The following TIAM1 variants were observed in gnomAD, a reference collection of about 807,000 sequenced individuals.
The protein encoded by TIAM1 is rho guanine nucleotide exchange factor TIAM1.
TIAM1 carries 65 observed loss-of-function variants against 163.5 expected under a neutral mutation model. The observed-to-expected ratio is 0.40, with a 90% CI of 0.33 to 0.49. TIAM1 has a LOEUF of 0.49. TIAM1 is among the 20% of genes least tolerant of loss of function. The pLI, the probability that TIAM1 is intolerant of heterozygous loss-of-function variation, is 0.77. For synonymous variants in TIAM1, 833 were observed against 810.1 expected, an observed-to-expected ratio of 1.03 and a Z score of -0.48; for missense variants, 1,789 against 2,044.7, an observed-to-expected ratio of 0.87 and a Z score of 2.41.
At chr21:31,185,468 T>C (rs2085248255) in intron 14 of TIAM1, among the ~76,000 whole-genome samples, 1 of 144,076 alleles carries the variant, frequency 6.9e-6, no homozygotes. Context: ...ATATAATGTA[T>C]TAATATATTC....
chr21:31,176,000 C>G (rs966891823), intron 15 of TIAM1, among the ~76,000 whole-genome samples: 5 of 152,260 alleles, frequency 3.3e-5, no homozygotes, highest in African/African-American at 1.2e-4. Flanking sequence ...TAGAGCTATA[C>G]CTTTTAATAA....
intron 14 of TIAM1, among the ~76,000 whole-genome samples, chr21:31,184,859 CTT>C (rs1340050969): frequency 6.6e-5 from 10 of 152,194 alleles, no homozygotes; most frequent in Non-Finnish European, 1.5e-4. Context: ...ATTATCCTGA[CTT>C]TATTTCTCAC....
chr21:31,438,461 G>A (rs1025947193), intron 2 of TIAM1, among the ~76,000 whole-genome samples: 8 of 151,896 alleles, frequency 5.3e-5, no homozygotes, highest in Non-Finnish European at 1.0e-4. Flanking sequence ...CAAAGTGATG[G>A]GATTACAAGT....
intron 6 of TIAM1, among the ~76,000 whole-genome samples, chr21:31,235,134 G>A (rs1348257564): frequency 1.3e-5 from 2 of 152,138 alleles, no homozygotes; most frequent in African/African-American, 4.8e-5. Context: ...TATGGGAGCA[G>A]GACAATGTGC....
chr21:31,546,534 A>G (rs1335484928), intron 1 of TIAM1, among the ~76,000 whole-genome samples: 11 of 150,222 alleles, frequency 7.3e-5, no homozygotes, highest in Non-Finnish European at 1.6e-4. Flanking sequence ...TGGGTGACAG[A>G]GCAAGACTCC....
chr21:31,498,244 C>T (rs903233967), intron 1 of TIAM1, among the ~76,000 whole-genome samples: 1 of 152,206 alleles, frequency 6.6e-6, no homozygotes, highest in Admixed American at 6.5e-5. Context: ...CAGATTATTC[C>T]AGCAGCAAGC....
At chr21:31,182,320 A>C in intron 15 of TIAM1, 101 bp downstream of exon 15, 1 of 1,000,880 alleles carries the variant, frequency 1.0e-6, no homozygotes, top group Non-Finnish European at 1.4e-6. Flanking sequence ...ACCACCTGCC[A>C]GACAGAGGCA....
chr21:31,325,333 A>T (rs1337546692), intron 2 of TIAM1, among the ~76,000 whole-genome samples: 1 of 151,602 alleles, frequency 6.6e-6, no homozygotes, highest in East Asian at 1.9e-4. Context: ...CTAGAGAAGA[A>T]TCATGGAAAG....
chr21:31,507,630 T>C (rs1026511132), intron 1 of TIAM1, among the ~76,000 whole-genome samples: 4 of 152,218 alleles, frequency 2.6e-5, no homozygotes, highest in African/African-American at 7.2e-5. Context: ...CCTTGGGCTA[T>C]GTACCTGGGA....
At chr21:31,127,463 G>C (rs112792669) in intron 25 of TIAM1, among the ~76,000 whole-genome samples, 1,884 of 150,496 alleles carry the variant, frequency 0.013, 40 homozygotes, top group African/African-American at 0.044. Flanking sequence ...CTGTCATCCA[G>C]GCCGGAGTGC....
chr21:31,399,561 T>C (rs2077129756), intron 2 of TIAM1, among the ~76,000 whole-genome samples: 1 of 152,200 alleles, frequency 6.6e-6, no homozygotes, highest in South Asian at 2.1e-4. Context: ...TTTCTATTGC[T>C]CACAGCAAAG....
At chr21:31,195,356 TA>T in intron 12 of TIAM1, 51 bp from the exon 13 acceptor site, 1 of 1,296,004 alleles carries the variant, frequency 7.7e-7, no homozygotes, top group Non-Finnish European at 1.1e-6. Flanking sequence ...AACTAACTTT[TA>T]AAAATGGTCA....
At chr21:31,200,590 T>C (rs2086148013) in intron 12 of TIAM1, among the ~76,000 whole-genome samples, 1 of 152,234 alleles carries the variant, frequency 6.6e-6, no homozygotes. Flanking sequence ...TGTAATTTAA[T>C]GGTCTAGCTA....
chr21:31,249,322 A>C (rs1236444460), intron 5 of TIAM1, among the ~76,000 whole-genome samples: 1 of 152,314 alleles, frequency 6.6e-6, no homozygotes, highest in South Asian at 2.1e-4. Context: ...CTCAGAAGAA[A>C]CCAACCCTGC....
In TIAM1 at chr21:31,150,899, A is replaced by G. The variant is rs184625974; in HGVS notation, c.3366+1737T>C. 1.1e-4 allele frequency among the ~76,000 whole-genome samples: 16 copies of G among 152,374 alleles called. No homozygotes were observed. The East Asian group carries it at 3.1e-3, about 29-fold the overall frequency. On this transcript the variant is annotated intron_variant, in intron 19 of 27. Coordinates refer to ENST00000541036, the MANE Select transcript of TIAM1 (RefSeq NM_001353694.2). Reference sequence around the variant, plus strand: ...AAAACTCAATATTAGTAAACAAATAACCCAGTAAAATAAATGAGCAAATTA... The same window carrying G: ...AAAACTCAATATTAGTAAACAAATAGCCCAGTAAAATAAATGAGCAAATTA...
At position 31,214,405 on chromosome 21, in the gene TIAM1, AT is replaced by A. The variant is rs1418310649; in HGVS notation, c.2143-934del. 4.6e-5 allele frequency among the ~76,000 whole-genome samples: 7 copies of A among 152,296 alleles called. No individual in the cohort carries two copies. In the East Asian group the frequency reaches 1.3e-3, roughly 29 times the overall value. On this transcript the variant is annotated intron_variant, in intron 9 of 27. Coordinates refer to ENST00000541036, the MANE Select transcript of TIAM1 (RefSeq NM_001353694.2). ...AAAAGAAAAGAAACTAGCAAAAGCAATGAGCTAGATAAACTCACAATGAAGC... is the reference window on the plus strand; with the variant it reads ...AAAAGAAAAGAAACTAGCAAAAGCAAGAGCTAGATAAACTCACAATGAAGC...
intron 1 of TIAM1, among the ~76,000 whole-genome samples, chr21:31,500,166 A>AAAAAT (rs2046805294): frequency 6.6e-6 from 1 of 152,146 alleles, no homozygotes; most frequent in African/African-American, 2.4e-5. Context: ...CTCCATCTCA[A>AAAAAT]AAAATAAAAT....
At chr21:31,510,670 C>G (rs977982429) in intron 1 of TIAM1, among the ~76,000 whole-genome samples, 1 of 151,994 alleles carries the variant, frequency 6.6e-6, no homozygotes, top group Non-Finnish European at 1.5e-5. Context: ...AAAAATTAGC[C>G]GGGCGTGGTG....
At chr21:31,255,835 A>C (rs1429287772) in intron 4 of TIAM1, among the ~76,000 whole-genome samples, 2 of 152,304 alleles carry the variant, frequency 1.3e-5, no homozygotes, top group East Asian at 3.9e-4. Context: ...ACTCCGTTGA[A>C]GAGATTTCCG....
Sources: gnomAD v4.1 joint callset for allele counts (sites outside exome capture counted in the v4.1 genomes callset) on GRCh38, gnomAD v4.1.1 for gene constraint, MANE v1.5 for transcripts, NCBI Gene and HGNC (gene_info 2026-07-23, HGNC 2026-07-21) for gene names.